The following SLC71A1 variants were observed in gnomAD, a reference collection of about 807,000 sequenced individuals.
SLC71A1 encodes solute carrier family 71 member 1, also known as hippocampus abundant gene transcript 1.
chr1:100,078,496 C>T, the SLC71A1 span: 1 of 1,613,836 alleles, frequency 6.2e-7, no homozygotes, highest in Non-Finnish European at 8.5e-7. Flanking sequence ...CTAGCATCAC[C>T]TTTCCTGCTG....
the SLC71A1 span, among the ~76,000 whole-genome samples, chr1:100,057,794 A>G: frequency 1.3e-5 from 2 of 152,206 alleles, no homozygotes; most frequent in Non-Finnish European, 2.9e-5. Flanking sequence ...TATATTTAGC[A>G]TAATGTTTCT....
At chr1:100,038,139 G>A in the SLC71A1 span, 1 of 1,142,594 alleles carries the variant, frequency 8.8e-7, no homozygotes, top group African/African-American at 1.5e-5. Context: ...GCCCAGAGCG[G>A]CTCGGCCCGG....
At chr1:100,063,772 A>C in the SLC71A1 span, among the ~76,000 whole-genome samples, 6 of 152,088 alleles carry the variant, frequency 3.9e-5, no homozygotes, top group Non-Finnish European at 8.8e-5. Flanking sequence ...CTCCAACATG[A>C]GCCACAGAGC....
At chr1:100,060,013 C>T in the SLC71A1 span, 1 of 1,597,926 alleles carries the variant, frequency 6.3e-7, no homozygotes. Context: ...ATGGTATGTG[C>T]ACATTTAGAT....
chr1:100,055,090 A>G, the SLC71A1 span, among the ~76,000 whole-genome samples: 1 of 152,264 alleles, frequency 6.6e-6, no homozygotes, highest in South Asian at 2.1e-4. Context: ...AAAGTGAATC[A>G]TTAGTGATAA....
At chr1:100,076,216 T>G in the SLC71A1 span, among the ~76,000 whole-genome samples, 2 of 152,224 alleles carry the variant, frequency 1.3e-5, no homozygotes, top group Non-Finnish European at 2.9e-5. Flanking sequence ...GCCATCTCAA[T>G]TTAAAGAATT....
chr1:100,046,362 G>T, the SLC71A1 span, among the ~76,000 whole-genome samples: 406 of 151,864 alleles, frequency 2.7e-3, 1 homozygote, highest in Non-Finnish European at 4.8e-3. Flanking sequence ...GAGGAACTGG[G>T]ATTACAGGTC....
At chr1:100,039,027 A>T in the SLC71A1 span, among the ~76,000 whole-genome samples, 1 of 152,238 alleles carries the variant, frequency 6.6e-6, no homozygotes, top group African/African-American at 2.4e-5. Context: ...TAAGGATCGG[A>T]GGAGGACACT....
the SLC71A1 span, chr1:100,038,325 A>T: frequency 6.4e-7 from 1 of 1,552,836 alleles, no homozygotes; most frequent in Non-Finnish European, 8.7e-7. Flanking sequence ...CGGTGAGCTG[A>T]GTTCCGCGCC....
chr1:100,038,566 C>T, the SLC71A1 span, among the ~76,000 whole-genome samples: 1,108 of 152,322 alleles, frequency 7.3e-3, 10 homozygotes, highest in African/African-American at 0.026. Context: ...GCTCTGGCCG[C>T]CTCTGCAGGC....
At chr1:100,040,375 AT>A in the SLC71A1 span, among the ~76,000 whole-genome samples, 1 of 152,208 alleles carries the variant, frequency 6.6e-6, no homozygotes, top group African/African-American at 2.4e-5. Flanking sequence ...AAGTATAACT[AT>A]TGCAGTCATA....
At chr1:100,070,991 C>T in the SLC71A1 span, among the ~76,000 whole-genome samples, 1 of 152,136 alleles carries the variant, frequency 6.6e-6, no homozygotes, top group Non-Finnish European at 1.5e-5. Context: ...TCTGCACATA[C>T]ATATACTTGG....
the SLC71A1 span, among the ~76,000 whole-genome samples, chr1:100,059,435 T>C: frequency 6.6e-6 from 1 of 151,730 alleles, no homozygotes; most frequent in African/African-American, 2.4e-5. Flanking sequence ...AGATTATTGG[T>C]GCAAGTACTG....
the SLC71A1 span, among the ~76,000 whole-genome samples, chr1:100,047,133 G>C: frequency 4.6e-5 from 7 of 152,168 alleles, no homozygotes; most frequent in Non-Finnish European, 1.0e-4. Flanking sequence ...TCTTTGTCTT[G>C]TTCCAGATCT....
At chr1:100,070,366 C>T in the SLC71A1 span, among the ~76,000 whole-genome samples, 5,073 of 152,192 alleles carry the variant, frequency 0.033, 308 homozygotes, top group African/African-American at 0.11. Flanking sequence ...GGGGCCAGTG[C>T]GGCTCCAGTT....
chr1:100,075,200 G>A, the SLC71A1 span, among the ~76,000 whole-genome samples: 7 of 152,230 alleles, frequency 4.6e-5, no homozygotes, highest in Non-Finnish European at 2.9e-5. Context: ...GCTGGCCCAT[G>A]CCATCCTGTT....
the SLC71A1 span, among the ~76,000 whole-genome samples, chr1:100,050,537 G>C: frequency 6.6e-6 from 1 of 151,078 alleles, no homozygotes; most frequent in Non-Finnish European, 1.5e-5. Flanking sequence ...GTGTAGATAA[G>C]GGGAATGGAA....
the SLC71A1 span, chr1:100,069,576 G>A: frequency 2.0e-5 from 26 of 1,312,770 alleles, no homozygotes; most frequent in Non-Finnish European, 2.6e-5. Context: ...GTATACATTT[G>A]TATTCATTAA....
the SLC71A1 span, chr1:100,078,762 T>A: frequency 9.5e-6 from 4 of 422,274 alleles, no homozygotes; most frequent in Admixed American, 4.1e-5. Flanking sequence ...GCTTATCTGT[T>A]CTGTTCATAG....
Sources: allele counts gnomAD v4.1 joint callset (sites outside exome capture counted in the v4.1 genomes callset), GRCh38; gene constraint gnomAD v4.1.1; transcripts MANE v1.5; gene names NCBI Gene and HGNC (gene_info 2026-07-23, HGNC 2026-07-21).